Variants in FIP1L1 observed in about 807,000 individuals in gnomAD.
FIP1L1 encodes the protein pre-mRNA 3'-end-processing factor FIP1.
Under a neutral mutation model 84.6 loss-of-function variants are expected in FIP1L1, and 21 were observed. That is an observed-to-expected ratio of 0.25 (90% confidence interval 0.18 to 0.36). The LOEUF (loss-of-function observed/expected upper bound fraction) is 0.36. Ranked by LOEUF, FIP1L1 falls within the 10% of genes least tolerant of loss-of-function variation. FIP1L1 has a pLI of 1.00. For missense variants in FIP1L1, 526 were observed against 751.1 expected (o/e 0.70, Z 3.50); for synonymous variants, 263 against 242.3 (o/e 1.09, Z -0.80).
chr4:53,405,480 T>C (rs914390847), intron 10 of FIP1L1, among the ~76,000 whole-genome samples: 1 of 152,062 alleles, frequency 6.6e-6, no homozygotes, highest in African/African-American at 2.4e-5. Context: ...AGGATTGCCT[T>C]GGCGATGCGG....
intron 15 of FIP1L1, among the ~76,000 whole-genome samples, chr4:53,448,525 CAATTTATGTT>C (rs1775127487): frequency 6.6e-6 from 1 of 152,034 alleles, no homozygotes; most frequent in Non-Finnish European, 1.5e-5. Context: ...CTCTTTGAAG[CAATTTATGTT>C]AATTTATGTA....
intron 10 of FIP1L1, among the ~76,000 whole-genome samples, chr4:53,412,040 A>G (rs1757474125): frequency 6.6e-6 from 1 of 152,168 alleles, no homozygotes; most frequent in African/African-American, 2.4e-5. Context: ...ATTGAAAAAA[A>G]TAAAGTTTTA....
At chr4:53,419,105 A>C (rs1761066888) in intron 11 of FIP1L1, among the ~76,000 whole-genome samples, 1 of 152,214 alleles carries the variant, frequency 6.6e-6, no homozygotes, top group Admixed American at 6.5e-5. Context: ...GCATGAAATT[A>C]AGCATAAATA....
Position 53,452,997 on chromosome 4 carries a change from G to A in FIP1L1, c.1363G>A (p.Ala455Thr). ...CACCAGCAAGCAGTGGGACTATTAT[G>A]CCAGAAGAGAGAAAGACCGAGATAG... The part of the protein sequence containing the change: ...VDTSKQWDYY[A>T]RREKDRDRER... Residue 455 changes from alanine to threonine, a missense_variant, in exon 16 of 18, where the codon GCC becomes ACC. By Grantham distance (58) the Ala-to-Thr change is moderately conservative. Around this residue, in one of 6 missense-constraint regions of FIP1L1, gnomAD observed 83 missense variants for 93.8 expected, o/e 0.88. Transcript: ENST00000337488. 6.2e-7 allele frequency: 1 copy of A among 1,613,502 alleles called. No homozygotes were observed. The highest frequency in any genetic ancestry group is 8.5e-7 in the Non-Finnish European group (1 of 1,179,900).
chr4:53,382,725 A>G (rs1399713427), intron 4 of FIP1L1, among the ~76,000 whole-genome samples: 2 of 152,242 alleles, frequency 1.3e-5, no homozygotes, highest in African/African-American at 4.8e-5. Flanking sequence ...CCTGCATGCC[A>G]TTGATACTTT....
intron 10 of FIP1L1, among the ~76,000 whole-genome samples, chr4:53,408,183 A>T (rs1443253052): frequency 1.3e-5 from 2 of 152,150 alleles, no homozygotes; most frequent in Non-Finnish European, 2.9e-5. Context: ...CTTTTAGGGC[A>T]GGCCTGGTGG....
At chr4:53,395,088 G>A (rs1324045728) in intron 9 of FIP1L1, among the ~76,000 whole-genome samples, 1 of 152,012 alleles carries the variant, frequency 6.6e-6, no homozygotes, top group African/African-American at 2.4e-5. Context: ...ATGTCTTATG[G>A]TCATTTCTTA....
intron 10 of FIP1L1, among the ~76,000 whole-genome samples, chr4:53,409,280 G>A (rs1220336174): frequency 6.6e-6 from 1 of 152,216 alleles, no homozygotes; most frequent in Non-Finnish European, 1.5e-5. Flanking sequence ...TGTTTGCCTG[G>A]ATACCAGCAG....
At chr4:53,388,563 C>T (rs1742407801) in intron 5 of FIP1L1, among the ~76,000 whole-genome samples, 1 of 152,124 alleles carries the variant, frequency 6.6e-6, no homozygotes, top group Admixed American at 6.5e-5. Context: ...TCTTGATCTC[C>T]TGACCTCGTG....
intron 16 of FIP1L1, 149 bp downstream of exon 16, chr4:53,453,282 AG>A: frequency 1.2e-6 from 1 of 841,588 alleles, no homozygotes. Flanking sequence ...AAAGGATTAG[AG>A]GCTTCCCATT....
chr4:53,408,572 T>A (rs1755161088), intron 10 of FIP1L1, among the ~76,000 whole-genome samples: 1 of 152,240 alleles, frequency 6.6e-6, no homozygotes, highest in South Asian at 2.1e-4. Context: ...TTCTCCTGGA[T>A]AATATCCTGC....
intron 13 of FIP1L1, chr4:53,440,798 C>A: frequency 1.9e-6 from 1 of 538,814 alleles, no homozygotes; most frequent in Non-Finnish European, 3.4e-6. Context: ...TTATACCTGT[C>A]TTACCCGTTT....
chr4:53,451,978 G>A (rs1203407521), intron 15 of FIP1L1, among the ~76,000 whole-genome samples: 3 of 151,524 alleles, frequency 2.0e-5, no homozygotes, highest in African/African-American at 7.3e-5. Flanking sequence ...CCGCCTCCCA[G>A]GTTCATGCCA....
At chr4:53,430,091 TG>T (rs1237652203) in intron 13 of FIP1L1, among the ~76,000 whole-genome samples, 2 of 152,182 alleles carry the variant, frequency 1.3e-5, no homozygotes, top group Non-Finnish European at 2.9e-5. Context: ...TCATGCATGT[TG>T]TCACAAATGA....
At chr4:53,453,499 G>A (rs959175557) in intron 16 of FIP1L1, among the ~76,000 whole-genome samples, 12 of 151,908 alleles carry the variant, frequency 7.9e-5, no homozygotes, top group African/African-American at 2.4e-4. Context: ...TTTTAGAGAC[G>A]GTCTTGCTTT....
intron 3 of FIP1L1, 36 bp downstream of exon 3, chr4:53,379,300 G>GTGATGCCTATTACACAATGTGACAGAACA: frequency 6.5e-7 from 1 of 1,530,268 alleles, no homozygotes; most frequent in East Asian, 2.3e-5. Flanking sequence ...TATTACACAG[G>GTGATGCCTATTACACAATGTGACAGAACA]TTGTGTGAAA....
chr4:53,433,711 C>T (rs1767779089), intron 13 of FIP1L1, among the ~76,000 whole-genome samples: 1 of 152,174 alleles, frequency 6.6e-6, no homozygotes, highest in Non-Finnish European at 1.5e-5. Flanking sequence ...AGCCCAACTA[C>T]TGTGGACCAC....
At chr4:53,387,943 G>C (rs781205187) in intron 5 of FIP1L1, among the ~76,000 whole-genome samples, 5 of 152,178 alleles carry the variant, frequency 3.3e-5, no homozygotes, top group Non-Finnish European at 7.3e-5. Flanking sequence ...ACATGGTTTG[G>C]TGCTCAGTAA....
chr4:53,427,433 A>G (rs1038779938), intron 12 of FIP1L1, among the ~76,000 whole-genome samples: 2 of 152,194 alleles, frequency 1.3e-5, no homozygotes, highest in African/African-American at 4.8e-5. Context: ...TTTTGCAAAC[A>G]TTGCTTTATT....
Sources: gnomAD v4.1 joint callset for allele counts (sites outside exome capture counted in the v4.1 genomes callset) on GRCh38, gnomAD v4.1.1 for gene constraint, gnomAD v4.1.1 regional missense constraint, MANE v1.5 for transcripts, NCBI Gene and HGNC (gene_info 2026-07-23, HGNC 2026-07-21) for gene names.